ARFGEF1: variants seen among roughly 807,000 people sequenced by gnomAD.
ARFGEF1 encodes the protein brefeldin A-inhibited guanine nucleotide-exchange protein 1.
ARFGEF1 carries 42 observed loss-of-function variants against 231.0 expected under a neutral mutation model. The observed-to-expected ratio is 0.18, with a 90% CI of 0.14 to 0.24. The LOEUF (loss-of-function observed/expected upper bound fraction) is 0.24, where lower values mean the gene tolerates loss of function less well. Ranked by LOEUF, ARFGEF1 falls within the 10% of genes least tolerant of loss-of-function variation. The probability of loss-of-function intolerance (pLI) is 1.00; values close to 1 mark genes in which losing one functional copy is unlikely to be tolerated. For missense variants in ARFGEF1, 1,345 were observed against 2,192.0 expected (o/e 0.61, Z 7.72); for synonymous variants, 710 against 732.3 (o/e 0.97, Z 0.49).
intron 17 of ARFGEF1, among the ~76,000 whole-genome samples, chr8:67,257,042 G>A (rs1840477937): frequency 6.6e-6 from 1 of 152,134 alleles, no homozygotes; most frequent in Admixed American, 6.5e-5. Context: ...GGGTACATTA[G>A]AGTTCATTAC....
At chr8:67,306,347 C>T (rs902519343) in intron 1 of ARFGEF1, among the ~76,000 whole-genome samples, 1 of 152,138 alleles carries the variant, frequency 6.6e-6, no homozygotes, top group East Asian at 1.9e-4. Flanking sequence ...GAATGGTGTA[C>T]AATTTAAAAC....
chr8:67,306,213 T>C (rs952300114), intron 1 of ARFGEF1, among the ~76,000 whole-genome samples: 7 of 152,118 alleles, frequency 4.6e-5, no homozygotes, highest in Admixed American at 3.3e-4. Context: ...ACTACAACAG[T>C]CAGTTGTGAT....
At chr8:67,177,339 C>G (rs1005451537) in intron 5 of ARFGEF1, among the ~76,000 whole-genome samples, 1 of 152,048 alleles carries the variant, frequency 6.6e-6, no homozygotes, top group Non-Finnish European at 1.5e-5. Context: ...GTGAGGGAGC[C>G]CCTGTTTAAC....
At chr8:67,302,905 TTAAAA>T (rs1806561165) in intron 1 of ARFGEF1, among the ~76,000 whole-genome samples, 1 of 100,254 alleles carries the variant, frequency 1.0e-5, no homozygotes, top group Admixed American at 1.1e-4. Context: ...ACCCCATCTC[TTAAAA>T]AAAAAAAAAA....
chr8:67,240,192 T>G lies in ARFGEF1; in HGVS notation c.2949A>C (p.Ala983=). 2 of 1,612,090 alleles carry G rather than the reference T, an allele frequency of 1.2e-6. No homozygotes were observed. Among genetic ancestry groups the G allele is most frequent in the Non-Finnish European group, 1.7e-6 (2 of 1,179,544 alleles). Residue 983 remains alanine (A), a synonymous_variant, in exon 20 of 39, where the codon GCA becomes GCC. Transcript: ENST00000262215. ...ASLCLEGIRC[A]IRIACIFSIQ... ...TGCTGAAAATGCATGCAATTCTGATTGCACATCTTATACCTTCCAGGCAAA... is the reference window on the plus strand; with the variant it reads ...TGCTGAAAATGCATGCAATTCTGATGGCACATCTTATACCTTCCAGGCAAA...
intron 8 of ARFGEF1, among the ~76,000 whole-genome samples, chr8:67,276,840 A>T (rs1040907954): frequency 2.0e-5 from 3 of 152,254 alleles, no homozygotes; most frequent in African/African-American, 7.2e-5. Context: ...CTAATCCCAA[A>T]ATCCAAAATG....
At chr8:67,239,920 C>G (rs2128878798) in intron 20 of ARFGEF1, among the ~76,000 whole-genome samples, 1 of 151,460 alleles carries the variant, frequency 6.6e-6, no homozygotes, top group South Asian at 2.1e-4. Flanking sequence ...TCTGTATAGT[C>G]TTCAATAGAG....
At chr8:67,219,772 G>A (rs752919399) in intron 29 of ARFGEF1, among the ~76,000 whole-genome samples, 25 of 152,148 alleles carry the variant, frequency 1.6e-4, no homozygotes, top group East Asian at 3.8e-4. Flanking sequence ...CAAAGGTCTT[G>A]GCTGTAAACT....
At chr8:67,288,529 T>C (rs1805856875) in intron 6 of ARFGEF1, among the ~76,000 whole-genome samples, 1 of 152,112 alleles carries the variant, frequency 6.6e-6, no homozygotes, top group Non-Finnish European at 1.5e-5. Flanking sequence ...GGTGGGGAGT[T>C]GGAGACCAGC....
At chr8:67,226,621 C>T (rs748544026) in intron 27 of ARFGEF1, among the ~76,000 whole-genome samples, 1 of 151,972 alleles carries the variant, frequency 6.6e-6, no homozygotes, top group Non-Finnish European at 1.5e-5. Flanking sequence ...TATGATGATG[C>T]CATGATTCTT....
At position 67,198,039 on chromosome 8, in the gene ARFGEF1, T is replaced by G. The variant is rs948629497; in HGVS notation, c.*895A>C. 1.0e-6 allele frequency: 1 copy of G among 985,786 alleles called. No individual in the cohort carries two copies. The highest frequency in any genetic ancestry group is 1.7e-5 in the African/African-American group (1 of 57,250). The allele number at this position is 985,786 out of a possible 1,614,324, so 61.1% of individuals were successfully genotyped here. A position where few individuals can be genotyped will look rare whatever the true frequency, so the allele number is the denominator to read the frequency against. ...AAATGACAGCAATCTGGATTCATTT[T>G]GCAGTGATTCAAGTTTTGGTCCATA... is the stretch of plus-strand genomic sequence containing the variant. On this transcript the variant is annotated 3_prime_UTR_variant, in exon 39 of 39. Transcript: ENST00000262215.
intron 7 of ARFGEF1, among the ~76,000 whole-genome samples, chr8:67,282,489 A>T (rs960453167): frequency 6.6e-6 from 1 of 152,196 alleles, no homozygotes; most frequent in African/African-American, 2.4e-5. Flanking sequence ...AGCAAGACAA[A>T]AACAGAAACC....
Position 67,305,955 on chromosome 8 carries a change from G to A in ARFGEF1, c.125-3489C>T, listed in dbSNP as rs952269465. 4.6e-5 allele frequency among the ~76,000 whole-genome samples: 7 copies of A among 152,092 alleles called. No homozygotes were observed. The East Asian group carries it at 5.8e-4, about 13-fold the overall frequency. ...GGCCGTAATTTTCAGTTTGAAGTTC[G>A]ACAGCAAAACTAGCAAGAATTTATT... On this transcript the variant is annotated intron_variant, in intron 1 of 38. Coordinates refer to ENST00000262215, the MANE Select transcript of ARFGEF1 (RefSeq NM_006421.5).
chr8:67,227,886 G>A (rs1352374071), intron 25 of ARFGEF1, 77 bp downstream of exon 25: 4 of 1,217,034 alleles, frequency 3.3e-6, no homozygotes, highest in Non-Finnish European at 3.3e-6. Context: ...AGGGAAAAAG[G>A]CTCAATTTGA....
At chr8:67,184,941 T>TCCAAAAAAA (rs1834075703) in intron 5 of ARFGEF1, among the ~76,000 whole-genome samples, 1 of 22,326 alleles carries the variant, frequency 4.5e-5, no homozygotes, top group Admixed American at 4.9e-4. Context: ...CTACTAAAAA[T>TCCAAAAAAA]ACAAAAAAAA....
At chr8:67,291,557 AT>A (rs1437681399) in intron 6 of ARFGEF1, among the ~76,000 whole-genome samples, 1 of 152,130 alleles carries the variant, frequency 6.6e-6, no homozygotes, top group Non-Finnish European at 1.5e-5. Flanking sequence ...CCTATATAAC[AT>A]TTAACGGACA....
rs373508404 is a variant in ARFGEF1 at position 67,228,171 on chromosome 8, A to C, written c.3422-39T>G. 1,429 of 1,607,286 alleles carry C rather than the reference A, an allele frequency of 8.9e-4. 1 individual carries two copies. The highest frequency in any genetic ancestry group is 1.2e-3 in the Non-Finnish European group (1,370 of 1,177,764). ...ACATTTTTTTTTTAGCTCAACATTAAAGTTATTTTAGCCCCAAGCCAGTTC... is the reference window on the plus strand; with the variant it reads ...ACATTTTTTTTTTAGCTCAACATTACAGTTATTTTAGCCCCAAGCCAGTTC... On this transcript the variant is annotated intron_variant, in intron 24 of 38. Coordinates refer to ENST00000262215, the MANE Select transcript of ARFGEF1 (RefSeq NM_006421.5).
intron 1 of ARFGEF1, among the ~76,000 whole-genome samples, chr8:67,307,321 G>C (rs55779517): frequency 6.6e-6 from 1 of 152,168 alleles, no homozygotes; most frequent in Middle Eastern, 3.2e-3. Flanking sequence ...ATCACAAGTA[G>C]CTTTGAGCCA....
In ARFGEF1 at chr8:67,204,674, C is replaced by T. The variant is rs1374981010; in HGVS notation, c.4959+6G>A. 9.3e-6 allele frequency: 15 copies of T among 1,612,296 alleles called. No individual in the cohort carries two copies. The highest frequency in any genetic ancestry group is 1.3e-5 in the African/African-American group (1 of 74,882). ...AAAAAAAGCAGCTGTCCTCCTATCT[C>T]CTTACCTGTGCTGCAGCTAAGTTTT... On this transcript the variant is annotated splice_donor_region_variant and intron_variant, in intron 35 of 38. Coordinates refer to ENST00000262215, the MANE Select transcript of ARFGEF1 (RefSeq NM_006421.5).
Sources: allele counts gnomAD v4.1 joint callset (sites outside exome capture counted in the v4.1 genomes callset), GRCh38; gene constraint gnomAD v4.1.1; transcripts MANE v1.5; gene names NCBI Gene and HGNC (gene_info 2026-07-23, HGNC 2026-07-21).